The following MICAL2 variants were observed in gnomAD, a reference collection of about 807,000 sequenced individuals.
The protein encoded by MICAL2 is microtubule associated monooxygenase, calponin and LIM domain containing 2.
Under a neutral mutation model 127.3 loss-of-function variants are expected in MICAL2, and 77 were observed. That is an observed-to-expected ratio of 0.60 (90% CI 0.50 to 0.73). MICAL2 has a LOEUF of 0.73. MICAL2 is among the 30% of genes least tolerant of loss of function. The pLI, the probability that MICAL2 is intolerant of heterozygous loss-of-function variation, is 0.00. For synonymous variants in MICAL2, 570 were observed against 551.1 expected, an observed-to-expected ratio of 1.03 and a Z score of -0.48; for missense variants, 1,351 against 1,434.4, an observed-to-expected ratio of 0.94 and a Z score of 0.94.
chr11:12,319,613 G>T (rs563029250), intron 29 of MICAL2: 12 of 980,534 alleles, frequency 1.2e-5, no homozygotes, highest in East Asian at 2.4e-5. Context: ...GAGAGTAAGT[G>T]GGGGAGGAGG....
chr11:12,115,842 C>T (rs11022183), intron 1 of MICAL2, among the ~76,000 whole-genome samples: 33,260 of 152,094 alleles, frequency 0.22, 3,890 homozygotes, highest in East Asian at 0.32. Flanking sequence ...CAGAATTATA[C>T]GTGTATTTGG....
intron 1 of MICAL2, among the ~76,000 whole-genome samples, chr11:12,113,057 G>T (rs1479955809): frequency 6.6e-6 from 1 of 152,148 alleles, no homozygotes; most frequent in Non-Finnish European, 1.5e-5. Flanking sequence ...AAGGGTAAAA[G>T]AATAACTTGG....
intron 2 of MICAL2, among the ~76,000 whole-genome samples, chr11:12,283,172 G>A (rs936406444): frequency 1.3e-5 from 2 of 151,994 alleles, no homozygotes; most frequent in African/African-American, 4.8e-5. Flanking sequence ...TGCTGGTTAT[G>A]GTAACCCCAT....
chr11:12,350,622 C>T (rs945332422), intron 33 of MICAL2, among the ~76,000 whole-genome samples: 3 of 152,176 alleles, frequency 2.0e-5, no homozygotes, highest in Non-Finnish European at 4.4e-5. Flanking sequence ...AATACTATCA[C>T]TCTTCCCTGC....
chr11:12,313,961 A>ATTTTTTTT (rs60681621), intron 29 of MICAL2, among the ~76,000 whole-genome samples: 221 of 43,700 alleles, frequency 5.1e-3, no homozygotes, highest in Non-Finnish European at 7.5e-3. Context: ...TCTTGGTCTG[A>ATTTTTTTT]TTTTTTTTTT....
intron 2 of MICAL2, among the ~76,000 whole-genome samples, chr11:12,142,320 T>G (rs1293830944): frequency 6.6e-6 from 1 of 152,232 alleles, no homozygotes; most frequent in Non-Finnish European, 1.5e-5. Flanking sequence ...ACTGTTGAGT[T>G]GCCGTTATTC....
intron 2 of MICAL2, among the ~76,000 whole-genome samples, chr11:12,286,642 G>A (rs1275893985): frequency 1.3e-5 from 2 of 152,162 alleles, no homozygotes; most frequent in Non-Finnish European, 2.9e-5. Flanking sequence ...GCCGAGGTGG[G>A]AGGATCACTT....
In MICAL2 at chr11:12,242,251, AG is replaced by A. The variant is rs1416643788; in HGVS notation, c.2376del (p.Glu792AspfsTer12). The A allele has an allele frequency of 6.2e-7, 1 of 1,612,556 alleles. No homozygotes were observed. The highest frequency in any genetic ancestry group is 8.5e-7 in the Non-Finnish European group (1 of 1,178,936). On this transcript the variant is annotated frameshift_variant, in exon 19 of 28. Coordinates refer to ENST00000683283, the MANE Select transcript of MICAL2 (RefSeq NM_001282663.2). LOFTEE classifies it high-confidence loss of function. Reference protein sequence around the residue: ...SVVVTGHVLRELKQVSAGSEC... With the variant: ...SVVVTGHVLRXLKQVSAGSEC... ...GTCGTGACGGGGCACGTGCTCAGAG[AG>A]CTCAAGCAAGTGTCTGCTGGCAGTG...
At chr11:12,259,547 T>C in intron 25 of MICAL2, 1 of 412,318 alleles carries the variant, frequency 2.4e-6, no homozygotes, top group Non-Finnish European at 4.3e-6. Context: ...TTGATGTATA[T>C]CATTAGGAGT....
At chr11:12,193,590 C>T (rs1349076913) in intron 3 of MICAL2, among the ~76,000 whole-genome samples, 2 of 152,170 alleles carry the variant, frequency 1.3e-5, no homozygotes, top group African/African-American at 4.8e-5. Context: ...CCTAGAAAGA[C>T]AGTGGGCCCT....
intron 3 of MICAL2, among the ~76,000 whole-genome samples, chr11:12,180,350 T>TATATATATATATATATATATATATATA (rs1554968182): frequency 6.7e-5 from 7 of 104,122 alleles, no homozygotes; most frequent in South Asian, 4.5e-4. Context: ...TATGTATATA[T>TATATATATATATATATATATATATATA]TTTTTTTTTG....
intron 30 of MICAL2, among the ~76,000 whole-genome samples, chr11:12,320,500 G>C (rs1304972657): frequency 6.6e-6 from 1 of 152,256 alleles, no homozygotes; most frequent in East Asian, 1.9e-4. Context: ...CACTGAAGCT[G>C]GAGCGTTTTC....
At chr11:12,231,737 C>G (rs1378120609) in intron 15 of MICAL2, among the ~76,000 whole-genome samples, 1 of 152,200 alleles carries the variant, frequency 6.6e-6, no homozygotes, top group Non-Finnish European at 1.5e-5. Flanking sequence ...GTTTCCAGGA[C>G]TTCTCATGGC....
intron 1 of MICAL2, among the ~76,000 whole-genome samples, chr11:12,130,123 C>T (rs1851295759): frequency 6.6e-6 from 1 of 152,228 alleles, no homozygotes; most frequent in Non-Finnish European, 1.5e-5. Flanking sequence ...ATCATCCCCA[C>T]TCCATTGTCC....
At chr11:12,141,082 T>C (rs1299072723) in intron 2 of MICAL2, among the ~76,000 whole-genome samples, 1 of 152,110 alleles carries the variant, frequency 6.6e-6, no homozygotes. Flanking sequence ...GTTATCAAAA[T>C]ATCCGCTGGG....
At chr11:12,323,979 A>G (rs760952875) in exon 31 of MICAL2, 1 of 1,601,598 alleles carries the variant, frequency 6.2e-7, no homozygotes, top group East Asian at 2.2e-5. Flanking sequence ...TTTTCATAGG[A>G]GAAGAAGACA....
At chr11:12,116,458 A>G (rs1409171895) in intron 1 of MICAL2, among the ~76,000 whole-genome samples, 3 of 149,920 alleles carry the variant, frequency 2.0e-5, no homozygotes, top group Non-Finnish European at 4.4e-5. Context: ...TCCACGCTCC[A>G]GTGGCCTGTC....
At chr11:12,273,760 CG>C (rs1488945286), upstream of MICAL2, among the ~76,000 whole-genome samples, 1 of 152,078 alleles carries the variant, frequency 6.6e-6, no homozygotes, top group African/African-American at 2.4e-5. Flanking sequence ...ATAGCTGAGA[CG>C]GCCAGCCACA....
intron 26 of MICAL2, 26 bp from the exon 27 acceptor site, chr11:12,262,452 CTT>C: frequency 1.9e-6 from 3 of 1,613,212 alleles, no homozygotes; most frequent in Non-Finnish European, 2.5e-6. Context: ...CTTTCTCTCT[CTT>C]TCCAATCTTA....
Sources: allele counts gnomAD v4.1 joint callset (sites outside exome capture counted in the v4.1 genomes callset), GRCh38; gene constraint gnomAD v4.1.1; transcripts MANE v1.5; gene names NCBI Gene and HGNC (gene_info 2026-07-23, HGNC 2026-07-21).